The following PMM2 variants were observed in gnomAD, a reference collection of about 807,000 sequenced individuals.
The protein encoded by PMM2 is phosphomannomutase 2.
In PMM2, 35 loss-of-function variants were observed where a neutral mutation model predicts 33.2. The ratio of observed to expected loss-of-function variants is 1.06; its 90% CI spans 0.81 to 1.40. PMM2 has a LOEUF of 1.40. Ranked by LOEUF, PMM2 falls within the 40% of genes most tolerant of loss-of-function variation. PMM2 has a pLI of 0.00. For missense variants in PMM2, 386 were observed against 306.0 expected (o/e 1.26, Z -1.95); for synonymous variants, 153 against 114.7 (o/e 1.33, Z -2.13).
At chr16:8,836,697 G>A (rs991405044) in intron 7 of PMM2, among the ~76,000 whole-genome samples, 3 of 151,930 alleles carry the variant, frequency 2.0e-5, no homozygotes, top group Non-Finnish European at 2.9e-5. Flanking sequence ...ATTTAATGTC[G>A]GGAGCAGATT....
intron 7 of PMM2, among the ~76,000 whole-genome samples, chr16:8,835,542 T>G (rs1238411248): frequency 6.6e-6 from 1 of 151,804 alleles, no homozygotes; most frequent in African/African-American, 2.4e-5. Context: ...GGGTAGTAGA[T>G]GGAGGTATTG....
At chr16:8,827,944 AAT>A (rs71153001) in intron 7 of PMM2, among the ~76,000 whole-genome samples, 5,205 of 113,668 alleles carry the variant, frequency 0.046, 189 homozygotes, top group Middle Eastern at 0.14. Flanking sequence ...TATATTTATA[AAT>A]ATATATATTT....
At chr16:8,845,099 G>C (rs2060916527) in intron 7 of PMM2, among the ~76,000 whole-genome samples, 1 of 152,212 alleles carries the variant, frequency 6.6e-6, no homozygotes, top group Admixed American at 6.5e-5. Flanking sequence ...ATTTCACCTG[G>C]GTGCAGGCGG....
At chr16:8,825,177 T>C (rs7198499) in intron 7 of PMM2, among the ~76,000 whole-genome samples, 136,326 of 151,866 alleles carry the variant, frequency 0.9, 61,540 homozygotes, top group East Asian at 0.98. Flanking sequence ...ACTACAGGCG[T>C]GTGCCACCAC....
At position 8,848,502 on chromosome 16, in the gene PMM2, C is replaced by T. The variant is rs1362020668; in HGVS notation, c.*677C>T. On this transcript the variant is annotated 3_prime_UTR_variant, in exon 8 of 8. Transcript: ENST00000268261. ...GCACCTCGGCTGGGCCGGATTCGGACCGGCTCTGTGTTCACTACACTCAGA... is the reference window on the plus strand; with the variant it reads ...GCACCTCGGCTGGGCCGGATTCGGATCGGCTCTGTGTTCACTACACTCAGA... The T allele has an allele frequency of 6.5e-6, 1 of 154,928 alleles. No individual in the cohort carries two copies. Among genetic ancestry groups the T allele is most frequent in the East Asian group, 1.9e-4 (1 of 5,224 alleles). 9.6% of individuals were successfully genotyped at this position (154,928 alleles called of 1,614,324 possible). A position where few individuals can be genotyped will look rare whatever the true frequency, so the allele number is the denominator to read the frequency against.
intron 7 of PMM2, among the ~76,000 whole-genome samples, chr16:8,820,351 C>CTTCTTTTTTTTTTT (rs1382491907): frequency 7.5e-6 from 1 of 133,176 alleles, no homozygotes; most frequent in African/African-American, 3.1e-5. Flanking sequence ...CACAGTTCTT[C>CTTCTTTTTTTTTTT]TTTTTTTTTT....
intron 7 of PMM2, among the ~76,000 whole-genome samples, chr16:8,823,160 G>A (rs894300713): frequency 6.6e-6 from 1 of 152,146 alleles, no homozygotes; most frequent in African/African-American, 2.4e-5. Context: ...CACTGGAGAT[G>A]GGCTAGGCAT....
intron 7 of PMM2, among the ~76,000 whole-genome samples, chr16:8,817,142 A>G (rs1310980948): frequency 6.6e-6 from 1 of 152,236 alleles, no homozygotes; most frequent in Non-Finnish European, 1.5e-5. Context: ...TCAGTGGGGT[A>G]GAAAGATCTT....
rs140145374 is a variant in PMM2, at chr16:8,824,540, A to G, written c.639+11434A>G. 1.1e-3 allele frequency among the ~76,000 whole-genome samples: 163 copies of G among 152,372 alleles called. 2 individuals are homozygous for G. Among genetic ancestry groups the G allele is most frequent in the Admixed American group, 8.2e-3 (126 of 15,306 alleles). On this transcript the variant is annotated intron_variant, in intron 7 of 7. Coordinates refer to ENST00000268261, the MANE Select transcript of PMM2 (RefSeq NM_000303.3). Reference sequence around the variant, plus strand: ...CAATTTTGTAACACATACTAATAACATAGTTATACGACTATAAACCCAAAG... The same window carrying G: ...CAATTTTGTAACACATACTAATAACGTAGTTATACGACTATAAACCCAAAG...
intron 7 of PMM2, among the ~76,000 whole-genome samples, chr16:8,825,181 C>T (rs2060759748): frequency 6.6e-6 from 1 of 152,138 alleles, no homozygotes; most frequent in African/African-American, 2.4e-5. Flanking sequence ...CAGGCGTGTG[C>T]CACCACGCCT....
intron 7 of PMM2, among the ~76,000 whole-genome samples, chr16:8,847,105 C>T (rs1344896884): frequency 6.6e-6 from 1 of 152,100 alleles, no homozygotes; most frequent in Admixed American, 6.5e-5. Context: ...CTCAAGTGAT[C>T]CACCCTTCTC....
chr16:8,822,628 C>T lies in PMM2; in HGVS notation c.639+9522C>T, dbSNP rs370610083. 1.3e-4 allele frequency among the ~76,000 whole-genome samples: 20 copies of T among 152,298 alleles called. No homozygotes were observed. The South Asian group carries it at 4.1e-3, about 32-fold the overall frequency. ...ATTTTTGCAAAGACAGTTTCAGTTC[C>T]TCCTGTTGGGTTTTATAATACCTTA... On this transcript the variant is annotated intron_variant, in intron 7 of 7. Transcript: ENST00000268261.
At chr16:8,823,639 C>G (rs118173204) in intron 7 of PMM2, among the ~76,000 whole-genome samples, 1 of 152,206 alleles carries the variant, frequency 6.6e-6, no homozygotes, top group East Asian at 1.9e-4. Flanking sequence ...CATAAGAAAT[C>G]TCAGGTTAGA....
At chr16:8,798,018 C>A (rs950701635) in intron 1 of PMM2, 70 bp downstream of exon 1, 18 of 1,474,006 alleles carry the variant, frequency 1.2e-5, no homozygotes, top group African/African-American at 2.8e-5. Flanking sequence ...GGGCTATCGA[C>A]CACCCAGGGT....
Position 8,806,299 on chromosome 16 carries a change from G to T in PMM2, c.256-17G>T. 1 of 1,506,568 alleles carries T rather than the reference G, an allele frequency of 6.6e-7. No homozygotes were observed. Among genetic ancestry groups the T allele is most frequent in the Non-Finnish European group, 9.2e-7 (1 of 1,081,874 alleles). 93.3% of individuals were successfully genotyped at this position (1,506,568 alleles called of 1,614,324 possible). ...GCTCCTGCTAAATCAAGTAACTCAA[G>T]TATTTTCTTCATCTAGAATATTCAA... On this transcript the variant is annotated splice_polypyrimidine_tract_variant and intron_variant, in intron 3 of 7. Transcript: ENST00000268261.
At chr16:8,835,731 A>G (rs1260358134) in intron 7 of PMM2, among the ~76,000 whole-genome samples, 1 of 152,056 alleles carries the variant, frequency 6.6e-6, no homozygotes, top group African/African-American at 2.4e-5. Flanking sequence ...GGCGAGTGAT[A>G]ACAGGCTTTA....
chr16:8,801,963 A>T, intron 2 of PMM2, 53 bp downstream of exon 2: 2 of 1,267,932 alleles, frequency 1.6e-6, no homozygotes, highest in Non-Finnish European at 2.3e-6. Flanking sequence ...TCTTATGAGG[A>T]TATTGTTGCC....
At chr16:8,799,083 T>C (rs1228392103) in intron 1 of PMM2, among the ~76,000 whole-genome samples, 1 of 152,212 alleles carries the variant, frequency 6.6e-6, no homozygotes, top group Non-Finnish European at 1.5e-5. Flanking sequence ...TAAAGGGCCA[T>C]ATAGCAAATA....
rs149974880 is a variant in PMM2 at position 8,846,526 on chromosome 16, G to C, written c.640-1198G>C. 5.8e-3 allele frequency among the ~76,000 whole-genome samples: 887 copies of C among 152,224 alleles called. 12 individuals are homozygous for C. Among genetic ancestry groups the C allele is most frequent in the African/African-American group, 0.02 (850 of 41,534 alleles). On this transcript the variant is annotated intron_variant, in intron 7 of 7. Transcript: ENST00000268261. ...GGCAGATAACCTGATTCATTAACGT[G>C]AGCCCAGTGGGATTGGTGGGGGTGA...
Sources: gnomAD v4.1 joint callset for allele counts (sites outside exome capture counted in the v4.1 genomes callset) on GRCh38, gnomAD v4.1.1 for gene constraint, MANE v1.5 for transcripts, NCBI Gene and HGNC (gene_info 2026-07-23, HGNC 2026-07-21) for gene names.